Variants in DMD observed in about 807,000 individuals in gnomAD.
DMD encodes the protein mutant dystrophin.
In DMD, 63 loss-of-function variants were observed where a neutral mutation model predicts 330.1. That is an observed-to-expected ratio of 0.19 (90% CI 0.16 to 0.24). The LOEUF is 0.24. DMD is among the 10% of genes least tolerant of loss of function. DMD has a pLI of 1.00. For synonymous variants in DMD, 1,223 were observed against 959.8 expected (o/e 1.27, Z -5.07); for missense variants, 3,344 against 2,684.1 (o/e 1.25, Z -5.43).
chrX:32,817,153 G>T (rs1250018557), intron 5 of DMD, among the ~76,000 whole-genome samples: 1 of 111,628 alleles, frequency 9.0e-6, no homozygotes, highest in African/African-American at 3.3e-5. Flanking sequence ...CAAGGTTAGT[G>T]TAAGATCAAA....
At chrX:32,547,350 T>C (rs910315430) in intron 16 of DMD, among the ~76,000 whole-genome samples, 3 of 111,012 alleles carry the variant, frequency 2.7e-5, no homozygotes, top group East Asian at 2.8e-4. Flanking sequence ...AATGACAACA[T>C]GATATACTGT....
intron 1 of DMD, among the ~76,000 whole-genome samples, chrX:33,303,849 T>C (rs2053709436): frequency 9.0e-6 from 1 of 111,682 alleles, no homozygotes; most frequent in Non-Finnish European, 1.9e-5. Flanking sequence ...TTATGCATTA[T>C]TGGGTATTTC....
intron 2 of DMD, among the ~76,000 whole-genome samples, chrX:32,975,212 AC>A: frequency 9.0e-6 from 1 of 110,810 alleles, no homozygotes; most frequent in Middle Eastern, 4.6e-3. Context: ...TATCCAATAA[AC>A]CCAGCAAAGA....
intron 7 of DMD, among the ~76,000 whole-genome samples, chrX:32,730,774 A>G (rs1180038526): frequency 8.9e-6 from 1 of 112,134 alleles, no homozygotes. Flanking sequence ...TGTATTCAAT[A>G]GATTCAAATA....
At chrX:31,344,608 G>T (rs1278233106) in intron 61 of DMD, among the ~76,000 whole-genome samples, 2 of 111,022 alleles carry the variant, frequency 1.8e-5, no homozygotes, top group Non-Finnish European at 3.8e-5. Flanking sequence ...CAACACTTTG[G>T]GAGGCCTCAG....
intron 7 of DMD, among the ~76,000 whole-genome samples, chrX:32,774,888 C>A (rs1213985826): frequency 8.9e-6 from 1 of 111,826 alleles, no homozygotes; most frequent in African/African-American, 3.3e-5. Flanking sequence ...GTCAAAATTC[C>A]AAGTCCAAAG....
chrX:32,024,356 G>T (rs1177345016), intron 44 of DMD, among the ~76,000 whole-genome samples: 1 of 109,214 alleles, frequency 9.2e-6, no homozygotes, highest in Non-Finnish European at 1.9e-5. Context: ...ATGGTGGTGG[G>T]CACCTATTAT....
At chrX:32,373,543 G>A (rs946262103) in intron 34 of DMD, among the ~76,000 whole-genome samples, 1 of 111,842 alleles carries the variant, frequency 8.9e-6, no homozygotes, top group African/African-American at 3.2e-5. Flanking sequence ...ATAGTCTTAT[G>A]TACAGACACT....
chrX:32,738,430 AAC>A (rs745519868), intron 7 of DMD, among the ~76,000 whole-genome samples: 81 of 111,777 alleles, frequency 7.2e-4, no homozygotes, highest in African/African-American at 2.5e-3. Context: ...TTCTCTCCTC[AAC>A]AGTTTGCTTC....
chrX:33,239,914 C>T (rs1182140765), intron 1 of DMD, among the ~76,000 whole-genome samples: 1 of 111,167 alleles, frequency 9.0e-6, no homozygotes. Context: ...AACTTTTTTT[C>T]AAGCACAAAA....
chrX:32,835,443 A>G (rs2079530731), intron 4 of DMD, among the ~76,000 whole-genome samples: 1 of 112,809 alleles, frequency 8.9e-6, no homozygotes, highest in South Asian at 3.6e-4. Flanking sequence ...ATCACAACCA[A>G]CTATTACAAA....
chrX:32,803,427 G>GTTTT (rs373415501), intron 7 of DMD, among the ~76,000 whole-genome samples: 2 of 100,400 alleles, frequency 2.0e-5, no homozygotes, highest in African/African-American at 3.6e-5. Context: ...CCTGAATTGA[G>GTTTT]TTTTTTTTTT....
intron 30 of DMD, among the ~76,000 whole-genome samples, chrX:32,399,093 A>G (rs1355056498): frequency 8.9e-6 from 1 of 112,286 alleles, no homozygotes; most frequent in East Asian, 2.8e-4. Context: ...ATCAAAATGG[A>G]TTAAATACTT....
chrX:32,961,501 T>C (rs761968804), intron 2 of DMD, among the ~76,000 whole-genome samples: 1 of 111,683 alleles, frequency 9.0e-6, no homozygotes, highest in Non-Finnish European at 1.9e-5. Context: ...AAATCTTTGT[T>C]AACTATTGAA....
intron 60 of DMD, among the ~76,000 whole-genome samples, chrX:31,352,246 C>T (rs1017526228): frequency 1.9e-5 from 2 of 107,329 alleles, no homozygotes; most frequent in Admixed American, 9.8e-5. Context: ...TGGGAAAACG[C>T]GTGCAAATAA....
At chrX:31,627,902 C>T (rs1347743778) in intron 54 of DMD, 40 bp from the exon 55 acceptor site, 2 of 1,134,704 alleles carry the variant, frequency 1.8e-6, no homozygotes, top group Non-Finnish European at 2.4e-6. Flanking sequence ...TATTAAATAT[C>T]AGAATGGTGC....
chrX:32,776,558 G>A (rs1020217468), intron 7 of DMD, among the ~76,000 whole-genome samples: 5 of 110,914 alleles, frequency 4.5e-5, no homozygotes, highest in African/African-American at 1.6e-4. Flanking sequence ...AGGGCAGTGG[G>A]GTCGGGGGGA....
chrX:31,844,299 A>ATT (rs35743535), intron 48 of DMD, among the ~76,000 whole-genome samples: 5,341 of 97,057 alleles, frequency 0.055, 135 homozygotes, highest in Middle Eastern at 0.085. Context: ...TCCTTTCCCC[A>ATT]TTTTTTTTTT....
chrX:32,472,395 A>G, intron 21 of DMD, 86 bp from the exon 22 acceptor site: 1 of 906,233 alleles, frequency 1.1e-6, no homozygotes, highest in East Asian at 3.3e-5. Flanking sequence ...AAACTCAATT[A>G]TATTACTAGT....
Sources: gnomAD v4.1 joint callset for allele counts (sites outside exome capture counted in the v4.1 genomes callset) on GRCh38, gnomAD v4.1.1 for gene constraint, MANE v1.5 for transcripts, NCBI Gene and HGNC (gene_info 2026-07-23, HGNC 2026-07-21) for gene names.